Variants in CEP128 observed in about 807,000 individuals in gnomAD.
CEP128 encodes centrosomal protein 128.
In CEP128, 132 loss-of-function variants were observed where a neutral mutation model predicts 156.7. The observed-to-expected ratio is 0.84, with a 90% CI of 0.73 to 0.97. The LOEUF (loss-of-function observed/expected upper bound fraction) is 0.97, where lower values mean the gene tolerates loss of function less well. CEP128 is among the 50% of genes least tolerant of loss of function. CEP128 has a pLI of 0.00. For synonymous variants in CEP128, 469 were observed against 448.9 expected, an observed-to-expected ratio of 1.04 and a Z score of -0.57; for missense variants, 1,252 against 1,281.9, an observed-to-expected ratio of 0.98 and a Z score of 0.36.
Position 80,580,355 on chromosome 14 carries a change from G to C in CEP128, c.2856+19C>G. On this transcript the variant is annotated intron_variant, in intron 20 of 24. Transcript: ENST00000555265. Reference sequence around the variant, plus strand: ...AAATGTTTTCATACCAAGCATGCTTGCCCTATTTAAGAATTTACCTGCAGA... The same window carrying C: ...AAATGTTTTCATACCAAGCATGCTTCCCCTATTTAAGAATTTACCTGCAGA... 1.3e-6 allele frequency: 2 copies of C among 1,538,708 alleles called. No homozygotes were observed. The highest frequency in any genetic ancestry group is 9.0e-7 in the Non-Finnish European group (1 of 1,115,960).
intron 23 of CEP128, among the ~76,000 whole-genome samples, chr14:80,517,651 T>C (rs1888550276): frequency 6.6e-6 from 1 of 152,186 alleles, no homozygotes; most frequent in South Asian, 2.1e-4. Flanking sequence ...TGGGGGTCCT[T>C]GTTCTTAGAG....
chr14:80,884,994 A>G (rs1225783309), intron 8 of CEP128, among the ~76,000 whole-genome samples: 1 of 152,196 alleles, frequency 6.6e-6, no homozygotes, highest in Non-Finnish European at 1.5e-5. Flanking sequence ...TAGAGTAGGC[A>G]GTTTTCCCCT....
At chr14:80,562,478 A>G (rs1022923747) in intron 20 of CEP128, among the ~76,000 whole-genome samples, 8 of 152,138 alleles carry the variant, frequency 5.3e-5, no homozygotes, top group African/African-American at 1.9e-4. Context: ...ACTAGTCTTC[A>G]TGAACTTCTT....
intron 23 of CEP128, among the ~76,000 whole-genome samples, chr14:80,517,594 T>C (rs1888547451): frequency 6.6e-6 from 1 of 152,238 alleles, no homozygotes; most frequent in African/African-American, 2.4e-5. Context: ...ACATATATTG[T>C]ATAATTTCAA....
rs111925218 is a variant in CEP128 at position 80,874,642 on chromosome 14, G to A, written c.646-11769C>T. 2.4e-3 allele frequency among the ~76,000 whole-genome samples: 370 copies of A among 152,330 alleles called. 2 individuals are homozygous for A. The highest frequency in any genetic ancestry group is 8.5e-3 in the African/African-American group (352 of 41,580). On this transcript the variant is annotated intron_variant, in intron 8 of 24. Transcript: ENST00000555265. ...AGTTTGTTTGTTTGTTTCTGAGACG[G>A]AGTCTCGCTCTGTCGCCCAGGCTGG...
In CEP128 at chr14:80,853,197, T is replaced by TAAA. The variant is rs1555355890; in HGVS notation, c.762+9559_762+9560insTTT. Among the ~76,000 whole-genome samples, 3 of 151,754 alleles carry TAAA rather than the reference T, an allele frequency of 2.0e-5. No homozygotes were observed. In the East Asian group the frequency reaches 5.8e-4, roughly 29 times the overall value. On this transcript the variant is annotated intron_variant, in intron 9 of 24. Transcript: ENST00000555265. ...CACTAAAAAGTAGGGGCAAACACCA[T>TAAA]ACAACATTTAACACTTAAGAATCAT...
intron 19 of CEP128, among the ~76,000 whole-genome samples, chr14:80,620,167 G>A (rs1893419074): frequency 6.6e-6 from 1 of 151,938 alleles, no homozygotes; most frequent in Non-Finnish European, 1.5e-5. Context: ...AAGTGCACTG[G>A]GAGAGCAGAC....
intron 23 of CEP128, chr14:80,514,676 C>A (rs1476792872): frequency 4.9e-6 from 2 of 411,818 alleles, no homozygotes; most frequent in South Asian, 3.6e-5. Context: ...ATTTTGAATT[C>A]TCTGAAAGGT....
intron 6 of CEP128, among the ~76,000 whole-genome samples, chr14:80,900,807 TAAAAA>T (rs1883508471): frequency 6.6e-6 from 1 of 152,146 alleles, no homozygotes; most frequent in Non-Finnish European, 1.5e-5. Context: ...ATGTAGGTAG[TAAAAA>T]TTAAAAAAGT....
intron 1 of CEP128, among the ~76,000 whole-genome samples, chr14:80,958,908 G>C (rs1047170822): frequency 1.3e-5 from 2 of 152,190 alleles, no homozygotes. Flanking sequence ...TGTTCCTGTA[G>C]AGTTATTTGC....
chr14:80,686,855 T>C (rs2630273), intron 19 of CEP128, among the ~76,000 whole-genome samples: 23,740 of 152,150 alleles, frequency 0.16, 2,079 homozygotes, highest in African/African-American at 0.23. Context: ...GGATATTATA[T>C]AATGGTAAAG....
intron 8 of CEP128, among the ~76,000 whole-genome samples, chr14:80,878,902 C>A (rs941173736): frequency 6.6e-6 from 1 of 152,214 alleles, no homozygotes; most frequent in Non-Finnish European, 1.5e-5. Context: ...GCCACTGTAG[C>A]TGCCTGTGAA....
chr14:80,497,482 G>A lies in CEP128; in HGVS notation c.3282C>T (p.Ser1094=), dbSNP rs766799336. 1.9e-5 allele frequency: 30 copies of A among 1,594,790 alleles called. No individual in the cohort carries two copies. The highest frequency in any genetic ancestry group is 2.6e-5 in the Non-Finnish European group (30 of 1,165,494). Reference sequence around the variant, plus strand: ...ATAACAAATTACATTTGCTTTTTTAGCTCCCATATTCCTCTTTTTTGGGTT... The same window carrying A: ...ATAACAAATTACATTTGCTTTTTTAACTCCCATATTCCTCTTTTTTGGGTT... The part of the protein sequence containing the change: ...SSQPKKEEYG[S] The change falls in exon 25 of 25, where the codon AGC becomes AGT. Residue 1094 remains serine, a synonymous_variant. Transcript: ENST00000555265.
intron 8 of CEP128, among the ~76,000 whole-genome samples, chr14:80,887,903 G>A (rs1370140001): frequency 6.6e-6 from 1 of 152,106 alleles, no homozygotes; most frequent in Non-Finnish European, 1.5e-5. Context: ...AAGAAGAAAA[G>A]AGAGATGAAT....
intron 4 of CEP128, among the ~76,000 whole-genome samples, chr14:80,912,764 T>TA (rs961301855): frequency 1.5e-4 from 17 of 112,130 alleles, no homozygotes; most frequent in Admixed American, 3.4e-4. Context: ...CCTTTACTTG[T>TA]AAAAAAAAAT....
intron 15 of CEP128, among the ~76,000 whole-genome samples, chr14:80,783,416 C>T (rs1040303181): frequency 4.6e-5 from 7 of 152,114 alleles, no homozygotes; most frequent in African/African-American, 1.7e-4. Context: ...CCTTCTGTGT[C>T]CCAATTGCTT....
At chr14:80,534,699 C>A (rs2140290144) in intron 21 of CEP128, among the ~76,000 whole-genome samples, 1 of 152,044 alleles carries the variant, frequency 6.6e-6, no homozygotes, top group South Asian at 2.1e-4. Context: ...GTGGCGGGCA[C>A]CTGTAGTCCC....
chr14:80,525,372 G>C (rs1404808412), intron 23 of CEP128, among the ~76,000 whole-genome samples: 1 of 152,084 alleles, frequency 6.6e-6, no homozygotes, highest in Non-Finnish European at 1.5e-5. Context: ...TTCTTCAATG[G>C]CATAAGAAGG....
intron 13 of CEP128, among the ~76,000 whole-genome samples, chr14:80,817,771 C>A (rs1433119686): frequency 6.6e-6 from 1 of 151,784 alleles, no homozygotes; most frequent in African/African-American, 2.4e-5. Context: ...GTCCTGGCTA[C>A]TCGGGAGGCT....
Sources: gnomAD v4.1 joint callset for allele counts (sites outside exome capture counted in the v4.1 genomes callset) on GRCh38, gnomAD v4.1.1 for gene constraint, MANE v1.5 for transcripts, NCBI Gene and HGNC (gene_info 2026-07-23, HGNC 2026-07-21) for gene names.